DERL1: variants seen among roughly 807,000 people sequenced by gnomAD.
DERL1 encodes the protein derlin-1.
In DERL1, 24 loss-of-function variants were observed where a neutral mutation model predicts 41.6. That is an observed-to-expected ratio of 0.58 (90% CI 0.42 to 0.81). DERL1 has a LOEUF of 0.81. Among genes scored for constraint, DERL1 ranks in the 30% least tolerant of loss-of-function variants. The probability of loss-of-function intolerance (pLI) is 0.00; values close to 1 mark genes in which losing one functional copy is unlikely to be tolerated. For synonymous variants in DERL1, 124 were observed against 112.5 expected (o/e 1.10, Z -0.65); for missense variants, 260 against 314.3 (o/e 0.83, Z 1.31).
At chr8:123,029,226 G>A (rs1160681410) in intron 2 of DERL1, among the ~76,000 whole-genome samples, 1 of 152,132 alleles carries the variant, frequency 6.6e-6, no homozygotes, top group Non-Finnish European at 1.5e-5. Context: ...CTAATATGGT[G>A]GTGAGAGGCC....
Position 123,021,561 on chromosome 8 carries a change from C to A in DERL1, c.454-62G>T. On this transcript the variant is annotated intron_variant, in intron 5 of 7. Transcript: ENST00000259512. ...ACACCTGACGAGGACACAGCTACTA[C>A]GGGGACTAAAGTGGGTAAGGATACA... The A allele has an allele frequency of 3.4e-6, 5 of 1,464,740 alleles. No homozygotes were observed. In the South Asian group the frequency reaches 5.7e-5, roughly 17 times the overall value. The allele number at this position is 1,464,740 out of a possible 1,614,324, so 90.7% of individuals were successfully genotyped here. A position where few individuals can be genotyped will look rare whatever the true frequency, so the allele number is the denominator to read the frequency against.
intron 1 of DERL1, among the ~76,000 whole-genome samples, chr8:123,034,080 G>T (rs1486264270): frequency 1.3e-5 from 2 of 152,174 alleles, no homozygotes; most frequent in African/African-American, 2.4e-5. Context: ...TGTTACAAAG[G>T]CCCCAAGAAT....
At chr8:123,019,802 C>T (rs1165540660) in intron 6 of DERL1, among the ~76,000 whole-genome samples, 2 of 152,172 alleles carry the variant, frequency 1.3e-5, no homozygotes, top group African/African-American at 4.8e-5. Flanking sequence ...TAAGACACCA[C>T]AGAGATCACT....
chr8:123,023,759 G>T lies in DERL1; in HGVS notation c.331-20C>A. The T allele has an allele frequency of 6.2e-7, 1 of 1,610,180 alleles. No individual in the cohort carries two copies. Among genetic ancestry groups the T allele is most frequent in the South Asian group, 1.1e-5 (1 of 90,218 alleles). ...AGTAATCTTGGTTTGTAAAGTTAAA[G>T]ATCAGACATAAAAAAGCATTCTGTA... On this transcript the variant is annotated intron_variant, in intron 3 of 7. Transcript: ENST00000259512.
At chr8:123,041,353 T>C (rs930398708) in intron 1 of DERL1, among the ~76,000 whole-genome samples, 2 of 152,216 alleles carry the variant, frequency 1.3e-5, no homozygotes, top group African/African-American at 4.8e-5. Context: ...GTTTCCTTCA[T>C]GCTTAAGAAA....
At position 123,041,961 on chromosome 8, in the gene DERL1, G is replaced by A. The variant is rs747306797; in HGVS notation, c.153+9C>T. On this transcript the variant is annotated intron_variant, in intron 1 of 7. Transcript: ENST00000259512. Reference sequence around the variant, plus strand: ...TGTAGTCTCCACGCCCCCCGTCTCCGGTAAGTACCTGAAAGCGATAAAGGA... The same window carrying A: ...TGTAGTCTCCACGCCCCCCGTCTCCAGTAAGTACCTGAAAGCGATAAAGGA... 8 of 1,601,608 alleles carry A rather than the reference G, an allele frequency of 5.0e-6. No homozygotes were observed. The highest frequency in any genetic ancestry group is 1.3e-5 in the African/African-American group (1 of 74,704).
chr8:123,041,919 C>A (rs1813084506), intron 1 of DERL1, 51 bp downstream of exon 1: 2 of 1,518,904 alleles, frequency 1.3e-6, no homozygotes, highest in Non-Finnish European at 1.8e-6. Flanking sequence ...TTAGCCGCCG[C>A]TGGGCCTCCT....
At position 123,042,242 on chromosome 8, in the gene DERL1, G is replaced by T; in HGVS notation, c.-120C>A. The T allele has an allele frequency of 7.6e-7, 1 of 1,311,446 alleles. No individual in the cohort carries two copies. The allele number at this position is 1,311,446 out of a possible 1,614,324, so 81.2% of individuals were successfully genotyped here. The stretch of plus-strand genomic sequence containing the variant: ...AGGTGGAAGCCGCCGAAGCCGCGAT[G>T]CAGAAGGCGGAGACGGGCGGACGTG... On this transcript the variant is annotated 5_prime_UTR_variant, in exon 1 of 8. Coordinates refer to ENST00000259512, the MANE Select transcript of DERL1 (RefSeq NM_024295.6).
At chr8:123,021,151 C>T (rs1563629673) in intron 6 of DERL1, among the ~76,000 whole-genome samples, 1 of 152,112 alleles carries the variant, frequency 6.6e-6, no homozygotes, top group African/African-American at 2.4e-5. Flanking sequence ...AATTAGGTCT[C>T]TGTTTGCCCA....
chr8:123,038,970 T>G (rs1812989161), intron 1 of DERL1, among the ~76,000 whole-genome samples: 1 of 151,996 alleles, frequency 6.6e-6, no homozygotes, highest in East Asian at 1.9e-4. Context: ...CAGCCCCCAC[T>G]CCCAACCCAG....
rs1293479603 is a variant in DERL1, at chr8:123,023,749, T to C, written c.331-10A>G. The stretch of plus-strand genomic sequence containing the variant: ...TTGCTAAGCCAGTAATCTTGGTTTG[T>C]AAAGTTAAAGATCAGACATAAAAAA... On this transcript the variant is annotated splice_polypyrimidine_tract_variant and intron_variant, in intron 3 of 7. Transcript: ENST00000259512. The C allele has an allele frequency of 5.0e-6, 8 of 1,611,204 alleles. No individual in the cohort carries two copies. The highest frequency in any genetic ancestry group is 1.7e-4 in the Middle Eastern group (1 of 6,056).
At chr8:123,041,045 G>A (rs1813050372) in intron 1 of DERL1, among the ~76,000 whole-genome samples, 1 of 152,202 alleles carries the variant, frequency 6.6e-6, no homozygotes, top group African/African-American at 2.4e-5. Flanking sequence ...CTGAATGAAT[G>A]AGACCACCTA....
At chr8:123,033,599 C>T (rs1441803175) in intron 1 of DERL1, among the ~76,000 whole-genome samples, 5 of 152,070 alleles carry the variant, frequency 3.3e-5, no homozygotes, top group African/African-American at 4.8e-5. Flanking sequence ...CAAAATTAGC[C>T]GGGCGTGGTG....
chr8:123,036,082 T>C (rs1812922305), intron 1 of DERL1, among the ~76,000 whole-genome samples: 2 of 152,070 alleles, frequency 1.3e-5, no homozygotes, highest in Admixed American at 6.6e-5. Flanking sequence ...CACTTAATCT[T>C]TAAAAAGAGC....
At chr8:123,022,627 G>A (rs556265386) in intron 5 of DERL1, 57 bp downstream of exon 5, 41 of 1,531,356 alleles carry the variant, frequency 2.7e-5, no homozygotes, top group Non-Finnish European at 3.6e-5. Context: ...TCTCTGGACT[G>A]AAGAGGGATT....
intron 5 of DERL1, among the ~76,000 whole-genome samples, chr8:123,022,388 A>G (rs770130129): frequency 4.3e-4 from 62 of 145,446 alleles, no homozygotes; most frequent in Non-Finnish European, 8.8e-4. Context: ...AGATTTTTAA[A>G]GCAGGGTTTC....
chr8:123,014,128 A>G lies in DERL1; in HGVS notation c.*1319T>C, dbSNP rs1433950693. 6.6e-6 allele frequency: 1 copy of G among 152,410 alleles called. No individual in the cohort carries two copies. Among genetic ancestry groups the G allele is most frequent in the African/African-American group, 2.4e-5 (1 of 41,448 alleles). The allele number at this position is 152,410 out of a possible 1,614,324, so 9.4% of individuals were successfully genotyped here. ...GCTTTCAGATAACGTCATAAAATAAAATAACTGTGTGAAAAGCCATGGCCT... is the reference window on the plus strand; with the variant it reads ...GCTTTCAGATAACGTCATAAAATAAGATAACTGTGTGAAAAGCCATGGCCT... On this transcript the variant is annotated 3_prime_UTR_variant, in exon 8 of 8. Coordinates refer to ENST00000259512, the MANE Select transcript of DERL1 (RefSeq NM_024295.6).
At chr8:123,039,395 C>A (rs1812997390) in intron 1 of DERL1, among the ~76,000 whole-genome samples, 1 of 152,192 alleles carries the variant, frequency 6.6e-6, no homozygotes, top group South Asian at 2.1e-4. Flanking sequence ...AGCTTTAACC[C>A]ACCTTTCCAT....
At position 123,014,566 on chromosome 8, in the gene DERL1, G is replaced by C. The variant is rs1163802911; in HGVS notation, c.*881C>G. On this transcript the variant is annotated 3_prime_UTR_variant, in exon 8 of 8. Coordinates refer to ENST00000259512, the MANE Select transcript of DERL1 (RefSeq NM_024295.6). ...GAGAGCATCTCCCTGTAGCCAACAT[G>C]ATCTGGATCCTCCTAACACAAAGCA... The C allele has an allele frequency of 1.3e-5, 2 of 152,556 alleles. No homozygotes were observed. Among genetic ancestry groups the C allele is most frequent in the Non-Finnish European group, 2.9e-5 (2 of 68,046 alleles). The allele number at this position is 152,556 out of a possible 1,614,324, so 9.5% of individuals were successfully genotyped here.
Sources: allele counts gnomAD v4.1 joint callset (sites outside exome capture counted in the v4.1 genomes callset), GRCh38; gene constraint gnomAD v4.1.1; transcripts MANE v1.5; gene names NCBI Gene and HGNC (gene_info 2026-07-23, HGNC 2026-07-21).